Variants in MAX observed in about 807,000 individuals in gnomAD.
MAX encodes the protein MYC associated transcriptional regulator X.
A neutral mutation model predicts 22.3 loss-of-function variants in MAX; 3 were observed. The observed-to-expected ratio is 0.13, with a 90% CI of 0.06 to 0.35. The LOEUF is 0.35. Ranked by LOEUF, MAX falls within the 10% of genes least tolerant of loss-of-function variation. The probability of loss-of-function intolerance (pLI) is 1.00; values close to 1 mark genes in which losing one functional copy is unlikely to be tolerated. For synonymous variants in MAX, 72 were observed against 77.7 expected, an observed-to-expected ratio of 0.93 and a Z score of 0.39; for missense variants, 119 against 209.4, an observed-to-expected ratio of 0.57 and a Z score of 2.66.
In MAX at chr14:65,100,208, T is replaced by C. The variant is rs368287666; in HGVS notation, c.63+1338A>G. Among the ~76,000 whole-genome samples the C allele has an allele frequency of 2.7e-4, 41 of 152,156 alleles. No individual in the cohort carries two copies. In the East Asian group the frequency reaches 7.5e-3, roughly 28 times the overall value. ...GGCTCATGCCTGTAATCCCAGCACT[T>C]TGGGAGGCCGAGGCTGGCAGATCAC... On this transcript the variant is annotated intron_variant, in intron 2 of 4. Coordinates refer to ENST00000358664, the MANE Select transcript of MAX (RefSeq NM_002382.5).
chr14:65,081,708 T>C (rs1407961577), intron 3 of MAX, among the ~76,000 whole-genome samples: 1 of 152,104 alleles, frequency 6.6e-6, no homozygotes, highest in Non-Finnish European at 1.5e-5. Flanking sequence ...GCCTGAAAAT[T>C]TTTTTCCTGA....
intron 3 of MAX, among the ~76,000 whole-genome samples, chr14:65,080,705 A>C (rs2063178117): frequency 6.6e-6 from 1 of 152,200 alleles, no homozygotes; most frequent in African/African-American, 2.4e-5. Context: ...AAATTTGCCT[A>C]TGTAAAAGCT....
At position 65,093,837 on chromosome 14, in the gene MAX, C is replaced by T. The variant is rs2063583077; in HGVS notation, c.64-22G>A. ...CAGCCTAGAAGAATGGGAGAAAGAA[C>T]ACATTAGGAATGTCACTCCTTTTGC... is the stretch of plus-strand genomic sequence containing the variant. On this transcript the variant is annotated intron_variant, in intron 2 of 4. Coordinates refer to ENST00000358664, the MANE Select transcript of MAX (RefSeq NM_002382.5). The surrounding 1 kb of genome is among the most constrained non-coding windows in gnomAD (Gnocchi z 4.4). 2.2e-6 allele frequency: 3 copies of T among 1,338,512 alleles called. No homozygotes were observed. The highest frequency in any genetic ancestry group is 1.7e-5 in the Admixed American group (1 of 59,672). 82.9% of individuals were successfully genotyped at this position (1,338,512 alleles called of 1,614,324 possible). A position where few individuals can be genotyped will look rare whatever the true frequency, so the allele number is the denominator to read the frequency against.
At chr14:65,085,137 C>T (rs2063296878) in intron 3 of MAX, among the ~76,000 whole-genome samples, 1 of 152,128 alleles carries the variant, frequency 6.6e-6, no homozygotes, top group Non-Finnish European at 1.5e-5. Flanking sequence ...ATATTGATTA[C>T]ATGTTGAGAT....
chr14:65,084,192 T>C lies in MAX; in HGVS notation c.172-6156A>G. On this transcript the variant is annotated intron_variant, in intron 3 of 4. Coordinates refer to ENST00000358664, the MANE Select transcript of MAX (RefSeq NM_002382.5). This position sits in a 1 kb window ranked among gnomAD's most constrained non-coding sequence, Gnocchi z 4.3. ...AAACAATCATTTTTTAAATCTTGCA[T>C]TCTTTTTTCTTGTGCACTTGGTAGC... The C allele has an allele frequency of 6.2e-7, 1 of 1,614,038 alleles. No homozygotes were observed. Among genetic ancestry groups the C allele is most frequent in the East Asian group, 2.2e-5 (1 of 44,876 alleles).
chr14:65,061,611 C>T lies in MAX; in HGVS notation c.171+32097G>A, dbSNP rs942638066. ...CTCCTCACCAGCTCTCCAGCCAGGA[C>T]GATCACACAGAGATGAATGGCATCT... On this transcript the variant is annotated intron_variant, in intron 3 of 3. Coordinates refer to the MAX transcript ENST00000341653. 1.3e-5 allele frequency: 4 copies of T among 303,138 alleles called. No individual in the cohort carries two copies. In the East Asian group the frequency reaches 2.5e-4, roughly 19 times the overall value. 18.8% of individuals were successfully genotyped at this position (303,138 alleles called of 1,614,324 possible).
intron 3 of MAX, chr14:65,021,963 G>A (rs774838427): frequency 8.3e-5 from 38 of 455,766 alleles, no homozygotes; most frequent in African/African-American, 4.6e-4. Flanking sequence ...GCCAACTTTC[G>A]ACCTGACCAT....
chr14:65,064,031 G>C (rs1373700960), intron 3 of MAX, among the ~76,000 whole-genome samples: 7 of 152,156 alleles, frequency 4.6e-5, no homozygotes, highest in African/African-American at 1.4e-4. Context: ...AGATAAGTTG[G>C]GAAGCCTGCC....
Position 65,093,901 on chromosome 14 carries a change from G to T in MAX, c.64-86C>A. ...GGTGGGGTACAGCCTGGAAGTACAC[G>T]CTGTCAGCACTGTCCCTGGCGAGTG... On this transcript the variant is annotated intron_variant, in intron 2 of 4. Transcript: ENST00000358664. The surrounding 1 kb of genome is among the most constrained non-coding windows in gnomAD (Gnocchi z 4.4). The T allele has an allele frequency of 1.2e-6, 1 of 824,260 alleles. No homozygotes were observed. Among genetic ancestry groups the T allele is most frequent in the Non-Finnish European group, 2.2e-6 (1 of 462,578 alleles). 51.1% of individuals were successfully genotyped at this position (824,260 alleles called of 1,614,324 possible).
At chr14:65,063,930 A>C (rs2062905038) in intron 3 of MAX, among the ~76,000 whole-genome samples, 1 of 152,110 alleles carries the variant, frequency 6.6e-6, no homozygotes, top group Non-Finnish European at 1.5e-5. Context: ...GATGACCCCA[A>C]ATACTTTCTC....
intron 3 of MAX, among the ~76,000 whole-genome samples, chr14:65,020,820 C>T (rs1261725371): frequency 6.6e-6 from 1 of 150,696 alleles, no homozygotes; most frequent in East Asian, 2.0e-4. Flanking sequence ...CAACCTCCAC[C>T]TCCCGGGTTC....
At chr14:65,087,107 G>C (rs1368928876) in intron 3 of MAX, among the ~76,000 whole-genome samples, 6 of 152,364 alleles carry the variant, frequency 3.9e-5, no homozygotes, top group South Asian at 2.1e-4. Context: ...CAGAAGTCAA[G>C]AATTGGGGTT....
chr14:65,052,296 G>T (rs1309007979), intron 3 of MAX, among the ~76,000 whole-genome samples: 2 of 152,100 alleles, frequency 1.3e-5, no homozygotes, highest in Non-Finnish European at 2.9e-5. Flanking sequence ...ATAATAACTA[G>T]GTAGAAAAAC....
rs2062675874 is a variant in MAX at position 65,054,148 on chromosome 14, T to C, written c.171+39560A>G. On this transcript the variant is annotated intron_variant, in intron 3 of 3. Transcript: ENST00000341653. This position sits in a 1 kb window ranked among gnomAD's most constrained non-coding sequence, Gnocchi z 4.4. ...ACTTTTTTGAGACAGGGTCTCACTCTGTCACCCAGGCTGGAGTGCAGTGTC... is the reference window on the plus strand; with the variant it reads ...ACTTTTTTGAGACAGGGTCTCACTCCGTCACCCAGGCTGGAGTGCAGTGTC... Among the ~76,000 whole-genome samples, 1 of 152,102 alleles carries C rather than the reference T, an allele frequency of 6.6e-6. No homozygotes were observed. Among genetic ancestry groups the C allele is most frequent in the Non-Finnish European group, 1.5e-5 (1 of 68,020 alleles).
rs1431351927 is a variant in MAX, at chr14:65,069,658, ACG to A, written c.171+24048_171+24049del. 9.9e-5 allele frequency among the ~76,000 whole-genome samples: 15 copies of A among 152,244 alleles called. No homozygotes were observed. Among genetic ancestry groups the A allele is most frequent in the Non-Finnish European group, 2.1e-4 (14 of 68,040 alleles). On this transcript the variant is annotated intron_variant, in intron 3 of 3. Coordinates refer to the MAX transcript ENST00000341653. The surrounding 1 kb of genome is among the most constrained non-coding windows in gnomAD (Gnocchi z 4.6). The stretch of plus-strand genomic sequence containing the variant: ...TCACAAGGCTGGAGTCCACTGGCAC[ACG>A]CACATATGCATGCAGCATTTGTAGA...
intron 3 of MAX, among the ~76,000 whole-genome samples, chr14:65,038,999 C>T (rs1206510965): frequency 6.6e-6 from 1 of 152,148 alleles, no homozygotes; most frequent in Non-Finnish European, 1.5e-5. Flanking sequence ...TTTTCTTTTG[C>T]TCCCTGTCTT....
rs569044963 is a variant in MAX, at chr14:65,014,902, T to TG, written c.172-8619dup. Among the ~76,000 whole-genome samples the TG allele has an allele frequency of 4.6e-5, 7 of 152,122 alleles. No individual in the cohort carries two copies. The highest frequency in any genetic ancestry group is 8.8e-5 in the Non-Finnish European group (6 of 68,014). ...GCACAAGTAGATACTATCAAATATT[T>TG]GTTGAATCAGTGATTGAGTTAAGCT... is the stretch of plus-strand genomic sequence containing the variant. On this transcript the variant is annotated intron_variant, in intron 3 of 3. Transcript: ENST00000341653. The surrounding 1 kb of genome is among the most constrained non-coding windows in gnomAD (Gnocchi z 5.1).
At chr14:65,017,514 G>C (rs1294876134) in intron 3 of MAX, among the ~76,000 whole-genome samples, 1 of 152,166 alleles carries the variant, frequency 6.6e-6, no homozygotes, top group Admixed American at 6.5e-5. Context: ...TGTGTACTTG[G>C]TGTTTTATAG....
intron 3 of MAX, among the ~76,000 whole-genome samples, chr14:65,008,389 ACT>A (rs1441548114): frequency 2.0e-5 from 3 of 152,106 alleles, no homozygotes; most frequent in South Asian, 2.1e-4. Context: ...AGGACAGGAC[ACT>A]CTGCTGGGCT....
Sources: gnomAD v4.1 joint callset for allele counts (sites outside exome capture counted in the v4.1 genomes callset) on GRCh38, gnomAD v4.1.1 for gene constraint, Gnocchi (gnomAD v3.1) non-coding constraint, MANE v1.5 for transcripts, NCBI Gene and HGNC (gene_info 2026-07-23, HGNC 2026-07-21) for gene names.